The following CLVS1 variants were observed in gnomAD, a reference collection of about 807,000 sequenced individuals.
CLVS1 encodes the protein clavesin-1.
CLVS1 carries 10 observed loss-of-function variants against 33.1 expected under a neutral mutation model. The observed-to-expected ratio is 0.30, with a 90% confidence interval of 0.19 to 0.51. The LOEUF is 0.51. CLVS1 is among the 20% of genes least tolerant of loss of function. CLVS1 has a pLI of 0.97. For synonymous variants in CLVS1, 163 were observed against 166.1 expected (o/e 0.98, Z 0.14); for missense variants, 343 against 433.4 (o/e 0.79, Z 1.85).
intron 1 of CLVS1, among the ~76,000 whole-genome samples, chr8:61,109,208 A>G (rs574402946): frequency 6.6e-6 from 1 of 151,260 alleles, no homozygotes; most frequent in South Asian, 2.1e-4. Flanking sequence ...TTCTGTGTGC[A>G]CTTCCTTTTT....
At chr8:61,054,471 A>G (rs886068744), upstream of CLVS1, among the ~76,000 whole-genome samples, 2 of 152,218 alleles carry the variant, frequency 1.3e-5, no homozygotes, top group African/African-American at 4.8e-5. Context: ...AGACCAAGTA[A>G]TGGGAGACCA....
chr8:61,122,229 C>G (rs1297669478), intron 1 of CLVS1, among the ~76,000 whole-genome samples: 1 of 152,194 alleles, frequency 6.6e-6, no homozygotes, highest in East Asian at 1.9e-4. Flanking sequence ...GAAAGAAAGA[C>G]TATAATACAG....
chr8:61,215,055 T>C (rs1474192662), intron 2 of CLVS1, among the ~76,000 whole-genome samples: 1 of 152,158 alleles, frequency 6.6e-6, no homozygotes, highest in Non-Finnish European at 1.5e-5. Flanking sequence ...CAAGTGCCTT[T>C]TATTATTTTT....
chr8:61,349,400 T>C (rs559149834), intron 2 of CLVS1, among the ~76,000 whole-genome samples: 1 of 151,262 alleles, frequency 6.6e-6, no homozygotes, highest in African/African-American at 2.4e-5. Flanking sequence ...ACCAACAGAG[T>C]TGGGCCACTG....
At chr8:61,474,724 C>A (rs1444377064) in intron 5 of CLVS1, among the ~76,000 whole-genome samples, 13 of 152,172 alleles carry the variant, frequency 8.5e-5, no homozygotes, top group Admixed American at 8.5e-4. Context: ...AGTAATCAGG[C>A]ACCTGTGCAT....
At chr8:61,492,310 TTAAA>T (rs1487740133) in intron 5 of CLVS1, among the ~76,000 whole-genome samples, 6 of 152,254 alleles carry the variant, frequency 3.9e-5, no homozygotes, top group African/African-American at 1.2e-4. Flanking sequence ...ACTGCGTGAG[TTAAA>T]TAAATATTAA....
chr8:61,470,119 T>C lies in CLVS1; in HGVS notation c.977+11577T>C, dbSNP rs1817684901. ...AGCTGCATAGCCTCACCATTACTTG[T>C]ACATCTGGCCGAGATAGATGTCCTG... On this transcript the variant is annotated intron_variant, in intron 5 of 5. Coordinates refer to ENST00000325897, the MANE Select transcript of CLVS1 (RefSeq NM_173519.3). Among the ~76,000 whole-genome samples, 3 of 152,342 alleles carry C rather than the reference T, an allele frequency of 2.0e-5. No individual in the cohort carries two copies. The South Asian group carries it at 6.2e-4, about 32-fold the overall frequency.
intron 2 of CLVS1, among the ~76,000 whole-genome samples, chr8:61,231,412 T>TCTATGAAA: frequency 6.6e-6 from 1 of 152,300 alleles, no homozygotes; most frequent in South Asian, 2.1e-4. Flanking sequence ...GTTGAATGAA[T>TCTATGAAA]CTATGAAACT....
intron 2 of CLVS1, among the ~76,000 whole-genome samples, chr8:61,192,010 G>T (rs988527120): frequency 6.6e-6 from 1 of 152,166 alleles, no homozygotes; most frequent in Non-Finnish European, 1.5e-5. Context: ...TTTCTTCACA[G>T]AATTGGAAAA....
Position 61,068,104 on chromosome 8 carries a change from C to T in CLVS1, c.-243+10874C>T, listed in dbSNP as rs1228601866. ...GGAAGATTACTTGACCCCAGAAGAT[C>T]GAGGCTGCACTGAGCCCTGATTGCA... On this transcript the variant is annotated intron_variant, in intron 1 of 2. Transcript: ENST00000522621. Among the ~76,000 whole-genome samples the T allele has an allele frequency of 2.6e-5, 4 of 151,010 alleles. No individual in the cohort carries two copies. In the South Asian group the frequency reaches 6.3e-4, roughly 24 times the overall value.
At chr8:61,469,657 G>A (rs1295878828) in intron 5 of CLVS1, among the ~76,000 whole-genome samples, 3 of 152,186 alleles carry the variant, frequency 2.0e-5, no homozygotes, top group Non-Finnish European at 4.4e-5. Context: ...TCCAGCAGAG[G>A]TAATACATCA....
At chr8:61,076,360 C>T (rs1038283732) in intron 1 of CLVS1, among the ~76,000 whole-genome samples, 1 of 152,186 alleles carries the variant, frequency 6.6e-6, no homozygotes, top group East Asian at 1.9e-4. Context: ...CTCTCCTTAG[C>T]CTTTTCCTTT....
chr8:61,071,492 T>C (rs1804795561), intron 1 of CLVS1, among the ~76,000 whole-genome samples: 1 of 152,198 alleles, frequency 6.6e-6, no homozygotes. Context: ...CTCTCTCTTA[T>C]AAGGACATCA....
At chr8:61,264,466 T>C (rs1192383136) in intron 2 of CLVS1, among the ~76,000 whole-genome samples, 1 of 152,138 alleles carries the variant, frequency 6.6e-6, no homozygotes, top group Non-Finnish European at 1.5e-5. Context: ...GTAAGTGTCT[T>C]TTAACAGCAG....
chr8:60,977,478 G>A, the CLVS1 span, among the ~76,000 whole-genome samples: 2 of 152,030 alleles, frequency 1.3e-5, no homozygotes, highest in Non-Finnish European at 2.9e-5. Flanking sequence ...AACAAAATGA[G>A]AATATCAACA....
chr8:61,283,739 G>A (rs1424091834), upstream of CLVS1, among the ~76,000 whole-genome samples: 1 of 152,162 alleles, frequency 6.6e-6, no homozygotes, highest in Non-Finnish European at 1.5e-5. Context: ...TCAAGCCTCT[G>A]AGATCTTTGG....
rs142345510 is a variant in CLVS1, at chr8:61,174,848, C to A, written c.-152+42988C>A. Among the ~76,000 whole-genome samples, 20 of 89,256 alleles carry A rather than the reference C, an allele frequency of 2.2e-4. No individual in the cohort carries two copies. In the South Asian group the frequency reaches 6.8e-3, roughly 31 times the overall value. The allele number at this position is 89,256 out of a possible 152,430, so 58.6% of individuals were successfully genotyped here. A position where few individuals can be genotyped will look rare whatever the true frequency, so the allele number is the denominator to read the frequency against. ...AATGTATTGAAATTTTTATCCCCCC[C>A]GTCAGCTTCCCTTATCATTACTCTA... On this transcript the variant is annotated intron_variant, in intron 2 of 2. Transcript: ENST00000522621.
intron 2 of CLVS1, among the ~76,000 whole-genome samples, chr8:61,242,499 A>G (rs1808716689): frequency 6.6e-6 from 1 of 152,062 alleles, no homozygotes; most frequent in South Asian, 2.1e-4. Flanking sequence ...TTTAAAATAT[A>G]TTTTCTAAGG....
At chr8:61,384,080 G>C (rs1813989653) in intron 3 of CLVS1, among the ~76,000 whole-genome samples, 1 of 152,230 alleles carries the variant, frequency 6.6e-6, no homozygotes, top group African/African-American at 2.4e-5. Context: ...CTGATACTTA[G>C]CAGGTAAGCG....
Sources: gnomAD v4.1 joint callset for allele counts (sites outside exome capture counted in the v4.1 genomes callset) on GRCh38, gnomAD v4.1.1 for gene constraint, MANE v1.5 for transcripts, NCBI Gene and HGNC (gene_info 2026-07-23, HGNC 2026-07-21) for gene names.